ATP2A3: variants seen among roughly 807,000 people sequenced by gnomAD.
The protein encoded by ATP2A3 is ATPase sarcoplasmic/endoplasmic reticulum Ca2+ transporting 3.
A neutral mutation model predicts 106.8 loss-of-function variants in ATP2A3; 61 were observed. That is an observed-to-expected ratio of 0.57 (90% CI 0.46 to 0.71). ATP2A3 has a LOEUF of 0.71. ATP2A3 is among the 30% of genes least tolerant of loss of function. ATP2A3 has a pLI of 0.00. For missense variants in ATP2A3, 1,201 were observed against 1,423.5 expected (o/e 0.84, Z 2.52); for synonymous variants, 611 against 609.3 (o/e 1.00, Z -0.04).
In ATP2A3 at chr17:3,931,757, G is replaced by T. The variant is rs544181493; in HGVS notation, c.2611-1323C>A. Among the ~76,000 whole-genome samples the T allele has an allele frequency of 4.6e-5, 7 of 152,218 alleles. No individual in the cohort carries two copies. In the South Asian group the frequency reaches 1.0e-3, roughly 23 times the overall value. ...AGGATGGTCTAGAACTCCTGACCTC[G>T]TGATCCGCCCGCCTTGGCCTCCCAA... On this transcript the variant is annotated intron_variant, in intron 17 of 20. Coordinates refer to ENST00000397041, the MANE Select transcript of ATP2A3 (RefSeq NM_005173.4).
intron 17 of ATP2A3, among the ~76,000 whole-genome samples, chr17:3,931,139 CAAA>C (rs561383105): frequency 3.1e-5 from 4 of 130,790 alleles, no homozygotes; most frequent in Non-Finnish European, 6.7e-5. Flanking sequence ...GACTCTGTCT[CAAA>C]AAAAAAAAAA....
intron 12 of ATP2A3, 126 bp downstream of exon 12, chr17:3,942,480 G>A (rs1401586430): frequency 2.2e-6 from 3 of 1,387,928 alleles, no homozygotes; most frequent in African/African-American, 2.9e-5. Flanking sequence ...AGAGGCAAAA[G>A]GGGCTCCTGA....
rs1485700433 is a variant in ATP2A3 at position 3,950,747 on chromosome 17, G to A, written c.490C>T (p.Arg164Cys). 13 of 1,613,572 alleles carry A rather than the reference G, an allele frequency of 8.1e-6. No homozygotes were observed. The highest frequency in any genetic ancestry group is 1.3e-5 in the African/African-American group (1 of 74,898). ...GTGGTGGACTTGATCTCGATGAGGC[G>A]GAGGTCAGCAGGCACTTTGTCCCCC... The part of the protein sequence containing the change: ...AVGDKVPADL[R>C]LIEIKSTTLR... Residue 164 changes from arginine to cysteine, a missense_variant, in exon 6 of 21, where the codon CGC becomes TGC. Transcript: ENST00000397041.
intron 8 of ATP2A3, 38 bp from the exon 9 acceptor site, chr17:3,945,186 G>A: frequency 6.5e-7 from 1 of 1,529,956 alleles, no homozygotes; most frequent in Non-Finnish European, 8.8e-7. Flanking sequence ...GGGCGGGGTC[G>A]CCTCCCTCCT....
In ATP2A3 at chr17:3,942,656, T is replaced by A; in HGVS notation, c.1495A>T (p.Thr499Ser). 3 of 1,613,420 alleles carry A rather than the reference T, an allele frequency of 1.9e-6. No individual in the cohort carries two copies. The highest frequency in any genetic ancestry group is 2.5e-6 in the Non-Finnish European group (3 of 1,179,900). The change falls in exon 12 of 21, where the codon ACG becomes TCG. Residue 499 changes from threonine to serine, a missense_variant. Thr to Ser is a moderately conservative substitution (Grantham distance 58, BLOSUM62 1). Around this residue, in one of 2 missense-constraint regions of ATP2A3, gnomAD observed 935 missense variants for 1,176.7 expected, o/e 0.79. Transcript: ENST00000397041. Reference sequence around the variant, plus strand: ...CCAGTAGGGTGAGGGCGGGTGGGCGTGCAGTACACGGACATGGATTTCCGG... The same window carrying A: ...CCAGTAGGGTGAGGGCGGGTGGGCGAGCAGTACACGGACATGGATTTCCGG... ...RDRKSMSVYC[T>S]PTRPHPTGQG...
At position 3,953,141 on chromosome 17, in the gene ATP2A3, G is replaced by C. The variant is rs1015079986; in HGVS notation, c.219+206C>G. 6 of 622,072 alleles carry C rather than the reference G, an allele frequency of 9.6e-6. No homozygotes were observed. The highest frequency in any genetic ancestry group is 1.8e-5 in the African/African-American group (1 of 54,752). 38.5% of individuals were successfully genotyped at this position (622,072 alleles called of 1,614,324 possible). A position where few individuals can be genotyped will look rare whatever the true frequency, so the allele number is the denominator to read the frequency against. The stretch of plus-strand genomic sequence containing the variant: ...GGATAAGATGGATTGGAGGGGTCAG[G>C]TGGGAGCCGGGGACCCAATGTAGGG... On this transcript the variant is annotated intron_variant, in intron 3 of 20. Transcript: ENST00000397041. The surrounding 1 kb of genome is among the most constrained non-coding windows in gnomAD (Gnocchi z 5.1).
chr17:3,946,105 G>C (rs1163285872), intron 8 of ATP2A3, among the ~76,000 whole-genome samples: 2 of 151,888 alleles, frequency 1.3e-5, no homozygotes, highest in Non-Finnish European at 2.9e-5. Flanking sequence ...AAAACTAGCT[G>C]GGTGTGGTGG....
intron 14 of ATP2A3, among the ~76,000 whole-genome samples, chr17:3,940,471 A>G (rs928970900): frequency 6.6e-6 from 1 of 152,206 alleles, no homozygotes; most frequent in African/African-American, 2.4e-5. Context: ...TAGAATCCAG[A>G]TGATAGACAT....
intron 3 of ATP2A3, among the ~76,000 whole-genome samples, chr17:3,952,196 T>C (rs2054487611): frequency 6.6e-6 from 1 of 152,146 alleles, no homozygotes; most frequent in Non-Finnish European, 1.5e-5. Context: ...GCAATTCTCA[T>C]GCCTCAGCCT....
At chr17:3,958,823 CAT>C (rs948134504) in intron 1 of ATP2A3, among the ~76,000 whole-genome samples, 11 of 95,474 alleles carry the variant, frequency 1.2e-4, no homozygotes, top group Non-Finnish European at 2.0e-4. Flanking sequence ...TATATACACA[CAT>C]ATATATACAC....
In ATP2A3 at chr17:3,930,188, CAGG is replaced by C; in HGVS notation, c.2744+110_2744+112del. The C allele has an allele frequency of 6.0e-6, 7 of 1,163,168 alleles. No homozygotes were observed. Among genetic ancestry groups the C allele is most frequent in the Non-Finnish European group, 6.8e-6 (6 of 882,912 alleles). 72.1% of individuals were successfully genotyped at this position (1,163,168 alleles called of 1,614,324 possible). A position where few individuals can be genotyped will look rare whatever the true frequency, so the allele number is the denominator to read the frequency against. On this transcript the variant is annotated intron_variant, in intron 18 of 20. Transcript: ENST00000397041. The surrounding 1 kb of genome is among the most constrained non-coding windows in gnomAD (Gnocchi z 5.4). ...AGCCCCCACTCCTCGGCCCCAGCTC[CAGG>C]CCCTGCGCCCAGCCCACCTGGACCC... is the stretch of plus-strand genomic sequence containing the variant.
Position 3,936,752 on chromosome 17 carries a change from A to ACG in ATP2A3, c.2322-284_2322-283insCG, listed in dbSNP as rs1460650834. The stretch of plus-strand genomic sequence containing the variant: ...CACACACACACACACACACACACAC[A>ACG]CACGCACACGAAGAGGGCATGCCCA... On this transcript the variant is annotated intron_variant, in intron 15 of 20. Transcript: ENST00000397041. The surrounding 1 kb of genome is among the most constrained non-coding windows in gnomAD (Gnocchi z 5.4). 17 of 454,656 alleles carry ACG rather than the reference A, an allele frequency of 3.7e-5. No individual in the cohort carries two copies. Among genetic ancestry groups the ACG allele is most frequent in the African/African-American group, 1.4e-4 (7 of 49,520 alleles). 28.2% of individuals were successfully genotyped at this position (454,656 alleles called of 1,614,324 possible).
intron 14 of ATP2A3, among the ~76,000 whole-genome samples, chr17:3,940,269 C>T (rs1250237930): frequency 2.6e-5 from 4 of 151,728 alleles, no homozygotes; most frequent in Admixed American, 2.6e-4. Flanking sequence ...AATTTTGCCT[C>T]AAAAAGGAAA....
At chr17:3,951,477 G>A in intron 4 of ATP2A3, 88 bp from the exon 5 acceptor site, 1 of 1,602,296 alleles carries the variant, frequency 6.2e-7, no homozygotes, top group Admixed American at 1.7e-5. Flanking sequence ...GCCTGGGATG[G>A]AGGTGGAAGC....
chr17:3,951,107 A>G, intron 5 of ATP2A3, 144 bp downstream of exon 5: 1 of 826,516 alleles, frequency 1.2e-6, no homozygotes, highest in Non-Finnish European at 1.7e-6. Context: ...GGGAGGCAGG[A>G]GGTTGCAGTG....
chr17:3,947,575 A>C lies in ATP2A3; in HGVS notation c.911T>G (p.Val304Gly). The C allele has an allele frequency of 6.2e-7, 1 of 1,612,780 alleles. No individual in the cohort carries two copies. The highest frequency in any genetic ancestry group is 1.1e-5 in the South Asian group (1 of 91,072). The change falls in exon 8 of 21, where the codon GTG becomes GGG. Residue 304 changes from valine (V) to glycine (G), a missense_variant. Coordinates refer to ENST00000397041, the MANE Select transcript of ATP2A3 (RefSeq NM_005173.4). The surrounding 1 kb of genome is among the most constrained non-coding windows in gnomAD (Gnocchi z 7.7). Reference protein sequence around the residue: ...YYFKIAVALAVAAIPEGLPAV... With the variant: ...YYFKIAVALAGAAIPEGLPAV... ...CGGGAGGCCCTCGGGGATGGCCGCC[A>C]CCGCCAGGGCCACGGCGATCTTGAA...
rs768973913 is a variant in ATP2A3 at position 3,950,745 on chromosome 17, G to A, written c.492C>T (p.Arg164=). 4.3e-6 allele frequency: 7 copies of A among 1,613,734 alleles called. No homozygotes were observed. Among genetic ancestry groups the A allele is most frequent in the Non-Finnish European group, 5.9e-6 (7 of 1,180,004 alleles). The part of the protein sequence containing the change: ...AVGDKVPADL[R]LIEIKSTTLR... ...GCGTGGTGGACTTGATCTCGATGAG[G>A]CGGAGGTCAGCAGGCACTTTGTCCC... The change falls in exon 6 of 21, where the codon CGC becomes CGT. Residue 164 remains arginine (R), a synonymous_variant. Transcript: ENST00000397041.
chr17:3,944,984 A>ACGGCCACCTCGGCGCCGCCACGCGTGGCC (rs2144553088), intron 9 of ATP2A3, 76 bp downstream of exon 9: 1 of 1,316,766 alleles, frequency 7.6e-7, no homozygotes, highest in South Asian at 1.7e-5. Flanking sequence ...GGGGCCTCCC[A>ACGGCCACCTCGGCGCCGCCACGCGTGGCC]CGGCCACCTC....
chr17:3,941,410 C>T (rs1398136511), intron 13 of ATP2A3, 26 bp downstream of exon 13: 2 of 1,612,828 alleles, frequency 1.2e-6, no homozygotes, highest in Non-Finnish European at 1.7e-6. Flanking sequence ...CCTCGTACTG[C>T]AGGGAGAATC....
Sources: allele counts gnomAD v4.1 joint callset (sites outside exome capture counted in the v4.1 genomes callset), GRCh38; gene constraint gnomAD v4.1.1; regional missense constraint gnomAD v4.1.1; non-coding constraint Gnocchi (gnomAD v3.1); transcripts MANE v1.5; gene names NCBI Gene and HGNC (gene_info 2026-07-23, HGNC 2026-07-21).